SOX5: variants seen among roughly 807,000 people sequenced by gnomAD.
SOX5 encodes transcription factor SOX-5.
SOX5 carries 9 observed loss-of-function variants against 92.0 expected under a neutral mutation model. The ratio of observed to expected loss-of-function variants is 0.10; its 90% CI spans 0.06 to 0.17. SOX5 has a LOEUF of 0.17. Among genes scored for constraint, SOX5 ranks in the 10% least tolerant of loss-of-function variants. The pLI is 1.00. For missense variants in SOX5, 642 were observed against 944.5 expected, an observed-to-expected ratio of 0.68 and a Z score of 4.20; for synonymous variants, 344 against 336.3, an observed-to-expected ratio of 1.02 and a Z score of -0.25.
At chr12:23,985,223 A>AT (rs1569402609) in intron 4 of SOX5, among the ~76,000 whole-genome samples, 1 of 139,440 alleles carries the variant, frequency 7.2e-6, no homozygotes, top group Non-Finnish European at 1.5e-5. Context: ...TTTTTATTGT[A>AT]TTTTTTTATT....
intron 7 of SOX5, among the ~76,000 whole-genome samples, chr12:23,648,271 A>G (rs527259814): frequency 6.6e-6 from 1 of 152,310 alleles, no homozygotes; most frequent in South Asian, 2.1e-4. Context: ...ATTGCTATAA[A>G]CCTTCAATTT....
At chr12:23,741,063 C>G (rs201863520) in intron 4 of SOX5, 24 bp from the exon 5 acceptor site, 29 of 1,525,492 alleles carry the variant, frequency 1.9e-5, no homozygotes, top group Non-Finnish European at 2.5e-5. Flanking sequence ...AGCAATAAAA[C>G]AGACAAAATA....
At chr12:23,769,399 C>T (rs1307230625) in intron 3 of SOX5, among the ~76,000 whole-genome samples, 13 of 151,852 alleles carry the variant, frequency 8.6e-5, no homozygotes, top group African/African-American at 3.1e-4. Flanking sequence ...GTTTATTTCA[C>T]ACTATTTGAA....
intron 1 of SOX5, among the ~76,000 whole-genome samples, chr12:23,940,558 C>T (rs528361813): frequency 2.4e-4 from 37 of 151,364 alleles, no homozygotes; most frequent in African/African-American, 8.0e-4. Flanking sequence ...TCTAATTTTA[C>T]AGATGCATAC....
Position 23,946,769 on chromosome 12 carries a change from A to G in SOX5, c.38+2795T>C, listed in dbSNP as rs1469670614. On this transcript the variant is annotated intron_variant, in intron 1 of 14. Coordinates refer to ENST00000451604, the MANE Select transcript of SOX5 (RefSeq NM_006940.6). Reference sequence around the variant, plus strand: ...ACAAATAATTTTTTAGAATATATACACCCATTTGCTTCCCACCTTGGAGTT... The same window carrying G: ...ACAAATAATTTTTTAGAATATATACGCCCATTTGCTTCCCACCTTGGAGTT... 2.6e-5 allele frequency among the ~76,000 whole-genome samples: 4 copies of G among 152,030 alleles called. No individual in the cohort carries two copies. The East Asian group carries it at 7.7e-4, about 29-fold the overall frequency.
At chr12:24,447,339 C>T (rs1311702711) in intron 1 of SOX5, among the ~76,000 whole-genome samples, 1 of 152,156 alleles carries the variant, frequency 6.6e-6, no homozygotes, top group East Asian at 1.9e-4. Flanking sequence ...CCCACAAGCC[C>T]CATCCATCCA....
rs2096187702 is a variant in SOX5 at position 23,824,417 on chromosome 12, A to T, written c.481+21566T>A. On this transcript the variant is annotated intron_variant, in intron 3 of 14. Transcript: ENST00000451604. ...CTGGAATTTGCTGGGGGTCCACTCC[A>T]GACCCTGTTTGCCTGGTTATCACCA... Among the ~76,000 whole-genome samples, 3 of 152,318 alleles carry T rather than the reference A, an allele frequency of 2.0e-5. No homozygotes were observed. The South Asian group carries it at 6.2e-4, about 32-fold the overall frequency.
At chr12:23,561,831 G>C (rs919658379) in intron 11 of SOX5, among the ~76,000 whole-genome samples, 1 of 150,336 alleles carries the variant, frequency 6.7e-6, no homozygotes, top group Non-Finnish European at 1.5e-5. Flanking sequence ...AAAAAAAAAA[G>C]GGTACAGATG....
chr12:23,536,790 A>G, intron 13 of SOX5, 121 bp from the exon 14 acceptor site: 1 of 746,056 alleles, frequency 1.3e-6, no homozygotes. Flanking sequence ...AAATACATAA[A>G]CCTGTTTTTG....
intron 3 of SOX5, among the ~76,000 whole-genome samples, chr12:24,259,728 A>G (rs1317144785): frequency 3.9e-5 from 6 of 152,244 alleles, no homozygotes; most frequent in African/African-American, 1.2e-4. Context: ...ACGAATATCC[A>G]TTACTAAAAC....
intron 2 of SOX5, among the ~76,000 whole-genome samples, chr12:23,868,297 T>G (rs926411738): frequency 6.6e-6 from 1 of 152,150 alleles, no homozygotes; most frequent in Non-Finnish European, 1.5e-5. Context: ...TGCTGATTAC[T>G]CCAACATGCT....
At chr12:24,333,914 T>G (rs1565926893) in intron 2 of SOX5, among the ~76,000 whole-genome samples, 1 of 150,244 alleles carries the variant, frequency 6.7e-6, no homozygotes, top group Admixed American at 6.6e-5. Flanking sequence ...AGAAGCTATA[T>G]GGACTGAATT....
chr12:23,908,012 C>G (rs1444680768), intron 1 of SOX5, among the ~76,000 whole-genome samples: 1 of 152,130 alleles, frequency 6.6e-6, no homozygotes, highest in African/African-American at 2.4e-5. Flanking sequence ...CACTCTTGCT[C>G]TCTCCCTCCC....
chr12:23,805,731 A>G (rs1233968937), intron 3 of SOX5, among the ~76,000 whole-genome samples: 1 of 152,200 alleles, frequency 6.6e-6, no homozygotes, highest in Non-Finnish European at 1.5e-5. Context: ...GTATACGGCC[A>G]AACAGTAATT....
intron 4 of SOX5, among the ~76,000 whole-genome samples, chr12:23,999,534 T>C (rs369744605): frequency 2.8e-4 from 42 of 152,154 alleles, no homozygotes; most frequent in Admixed American, 7.9e-4. Context: ...TTTCATAATG[T>C]ATACATATAT....
chr12:24,539,922 C>A (rs746047384), intron 1 of SOX5, among the ~76,000 whole-genome samples: 3 of 152,030 alleles, frequency 2.0e-5, no homozygotes, highest in Non-Finnish European at 1.5e-5. Flanking sequence ...CATATGCGTT[C>A]TTTACTGATG....
intron 11 of SOX5, among the ~76,000 whole-genome samples, chr12:23,549,134 T>C (rs1340838041): frequency 6.6e-6 from 1 of 152,012 alleles, no homozygotes; most frequent in Non-Finnish European, 1.5e-5. Flanking sequence ...CTGGAAAAGG[T>C]AATATTTTGA....
At chr12:23,727,067 T>C (rs2093173269) in intron 6 of SOX5, among the ~76,000 whole-genome samples, 1 of 152,080 alleles carries the variant, frequency 6.6e-6, no homozygotes, top group Non-Finnish European at 1.5e-5. Flanking sequence ...TAAAGAAATT[T>C]GAGATTCCAG....
At chr12:24,096,105 A>G (rs751285715) in intron 4 of SOX5, among the ~76,000 whole-genome samples, 2 of 152,110 alleles carry the variant, frequency 1.3e-5, no homozygotes, top group African/African-American at 2.4e-5. Context: ...TTCATTCATC[A>G]TGGAAAAAAT....
Sources: allele counts gnomAD v4.1 joint callset (sites outside exome capture counted in the v4.1 genomes callset), GRCh38; gene constraint gnomAD v4.1.1; transcripts MANE v1.5; gene names NCBI Gene and HGNC (gene_info 2026-07-23, HGNC 2026-07-21).